The following KDM1A variants were observed in gnomAD, a reference collection of about 807,000 sequenced individuals.
The protein encoded by KDM1A is lysine-specific histone demethylase 1A.
In KDM1A, 49 loss-of-function variants were observed where a neutral mutation model predicts 109.4. The ratio of observed to expected loss-of-function variants is 0.45; its 90% confidence interval spans 0.36 to 0.57. KDM1A has a LOEUF of 0.57. Among genes scored for constraint, KDM1A ranks in the 20% least tolerant of loss-of-function variants. The pLI is 0.00. For synonymous variants in KDM1A, 380 were observed against 415.4 expected (o/e 0.91, Z 1.04); for missense variants, 668 against 1,116.6 (o/e 0.60, Z 5.73).
chr1:23,055,224 T>A, intron 6 of KDM1A, 63 bp downstream of exon 6: 1 of 867,884 alleles, frequency 1.2e-6, no homozygotes, highest in Non-Finnish European at 1.8e-6. Flanking sequence ...AGGACTGTAT[T>A]TTATATCTAT....
Position 23,020,103 on chromosome 1 carries a change from G to C in KDM1A, c.351+156G>C, listed in dbSNP as rs1641576259. The C allele has an allele frequency of 6.2e-6, 5 of 811,542 alleles. No homozygotes were observed. In the East Asian group the frequency reaches 1.7e-4, roughly 27 times the overall value. The allele number at this position is 811,542 out of a possible 1,614,324, so 50.3% of individuals were successfully genotyped here. A position where few individuals can be genotyped will look rare whatever the true frequency, so the allele number is the denominator to read the frequency against. ...CGCCACGTCCCCTCTAGCTGGACGG[G>C]TGGGGTGAGAAAGGAAAAGTCTTTG... is the stretch of plus-strand genomic sequence containing the variant. On this transcript the variant is annotated intron_variant, in intron 1 of 20. Transcript: ENST00000400181.
intron 20 of KDM1A, 44 bp from the exon 21 acceptor site, chr1:23,083,135 G>GTA (rs1553133325): frequency 1.9e-6 from 3 of 1,559,814 alleles, no homozygotes. Context: ...AAGAATAAAG[G>GTA]TATATGTGCA....
At chr1:23,068,761 A>G in intron 11 of KDM1A, 80 bp downstream of exon 11, 1 of 1,275,104 alleles carries the variant, frequency 7.8e-7, no homozygotes, top group South Asian at 1.9e-5. Context: ...TTTTTCTGCA[A>G]GTCTTGTTTG....
In KDM1A at chr1:23,083,641, GTT is replaced by G. The variant is rs796134688; in HGVS notation, c.*281_*282del. On this transcript the variant is annotated 3_prime_UTR_variant, in exon 21 of 21. Coordinates refer to ENST00000400181, the MANE Select transcript of KDM1A (RefSeq NM_001009999.3). The stretch of plus-strand genomic sequence containing the variant: ...TCATCTTAGTCCCTTGGTGTGTGGG[GTT>G]TTTGTTTTTTTTTTATATTTTGAGA... The G allele has an allele frequency of 0.035, 8,955 of 255,092 alleles. 768 individuals are homozygous for G. Among genetic ancestry groups the G allele is most frequent in the African/African-American group, 0.19 (8,115 of 43,800 alleles). The allele number at this position is 255,092 out of a possible 1,614,324, so 15.8% of individuals were successfully genotyped here. A position where few individuals can be genotyped will look rare whatever the true frequency, so the allele number is the denominator to read the frequency against.
intron 9 of KDM1A, among the ~76,000 whole-genome samples, chr1:23,065,228 T>G (rs576770297): frequency 6.6e-6 from 1 of 152,322 alleles, no homozygotes; most frequent in South Asian, 2.1e-4. Flanking sequence ...ACTAATAGAA[T>G]CCAAGGATTC....
Position 23,050,428 on chromosome 1 carries a change from C to T in KDM1A, c.619C>T (p.Arg207Trp), listed in dbSNP as rs1642633486. The change falls in exon 4 of 21, where the codon CGG becomes TGG. Residue 207 changes from arginine to tryptophan, a missense_variant. This residue lies in a region of KDM1A where 149 missense variants were observed against 189.7 expected (regional missense o/e 0.79). Coordinates refer to ENST00000400181, the MANE Select transcript of KDM1A (RefSeq NM_001009999.3). Reference sequence around the variant, plus strand: ...TTTCCAGAGCCGACTTCCTCATGACCGGATGACTTCTCAAGAAGCAGCCTG... The same window carrying T: ...TTTCCAGAGCCGACTTCCTCATGACTGGATGACTTCTCAAGAAGCAGCCTG... Reference protein sequence around the residue: ...AAFQSRLPHDRMTSQEAACFP... With the variant: ...AAFQSRLPHDWMTSQEAACFP... The T allele has an allele frequency of 1.9e-6, 3 of 1,613,520 alleles. No homozygotes were observed. The highest frequency in any genetic ancestry group is 2.5e-6 in the Non-Finnish European group (3 of 1,179,696).
At chr1:23,027,972 C>T (rs1308695576) in intron 1 of KDM1A, among the ~76,000 whole-genome samples, 2 of 151,998 alleles carry the variant, frequency 1.3e-5, no homozygotes, top group African/African-American at 4.8e-5. Flanking sequence ...TTTAATAATA[C>T]CATCAGATAT....
intron 9 of KDM1A, among the ~76,000 whole-genome samples, chr1:23,060,991 T>C (rs561739156): frequency 1.2e-4 from 18 of 152,364 alleles, no homozygotes; most frequent in Admixed American, 1.3e-4. Flanking sequence ...TCTTTTTCTT[T>C]AGACTTTTCT....
At chr1:23,057,342 C>A (rs112326119) in intron 7 of KDM1A, 142 bp from the exon 8 acceptor site, 53 of 616,230 alleles carry the variant, frequency 8.6e-5, no homozygotes, top group African/African-American at 1.3e-4. Context: ...GTTCTTTGTG[C>A]CCATAGTACT....
chr1:23,068,749 A>C, intron 11 of KDM1A, 68 bp downstream of exon 11: 1 of 1,334,682 alleles, frequency 7.5e-7, no homozygotes, highest in Non-Finnish European at 9.9e-7. Flanking sequence ...TTATGTTTTA[A>C]GTTTTTCTGC....
chr1:23,049,698 A>G (rs78340593), intron 3 of KDM1A, among the ~76,000 whole-genome samples: 2,085 of 152,126 alleles, frequency 0.014, 60 homozygotes, highest in African/African-American at 0.047. Flanking sequence ...AAAAAAAAAA[A>G]AGAGAAGAAC....
At chr1:23,024,784 T>C (rs545564118) in intron 1 of KDM1A, among the ~76,000 whole-genome samples, 21 of 152,360 alleles carry the variant, frequency 1.4e-4, no homozygotes, top group Middle Eastern at 3.4e-3. Context: ...CATCTTCCTC[T>C]GATTCATTTT....
At chr1:23,048,026 A>G (rs952505814) in intron 3 of KDM1A, among the ~76,000 whole-genome samples, 3 of 152,208 alleles carry the variant, frequency 2.0e-5, no homozygotes, top group Non-Finnish European at 4.4e-5. Flanking sequence ...TTCAGTGACT[A>G]CTTATTAAAT....
Position 23,083,440 on chromosome 1 carries a change from A to G in KDM1A, c.*76A>G. 1 of 1,412,886 alleles carries G rather than the reference A, an allele frequency of 7.1e-7. No individual in the cohort carries two copies. Among genetic ancestry groups the G allele is most frequent in the East Asian group, 2.3e-5 (1 of 42,894 alleles). 87.5% of individuals were successfully genotyped at this position (1,412,886 alleles called of 1,614,324 possible). ...AGGAAGGCTCTTCTAGCAATACTAG[A>G]TCCCACTGAGAAAATCCACCCTGGC... is the stretch of plus-strand genomic sequence containing the variant. On this transcript the variant is annotated 3_prime_UTR_variant, in exon 21 of 21. Coordinates refer to ENST00000400181, the MANE Select transcript of KDM1A (RefSeq NM_001009999.3).
At chr1:23,068,428 C>T (rs1369963122) in intron 10 of KDM1A, 111 bp from the exon 11 acceptor site, 4 of 799,890 alleles carry the variant, frequency 5.0e-6, no homozygotes, top group Non-Finnish European at 5.6e-6. Context: ...TCAAAGGTTT[C>T]CCCTTTGAGA....
At chr1:23,046,514 T>A in intron 3 of KDM1A, among the ~76,000 whole-genome samples, 1 of 152,160 alleles carries the variant, frequency 6.6e-6, no homozygotes, top group East Asian at 1.9e-4. Flanking sequence ...CTTCTTTTCT[T>A]TGTTAATTTT....
chr1:23,032,540 T>G (rs982618774), intron 2 of KDM1A, among the ~76,000 whole-genome samples: 4 of 152,142 alleles, frequency 2.6e-5, no homozygotes, highest in Non-Finnish European at 4.4e-5. Context: ...TGAGGATATC[T>G]TCAATGCTTA....
Position 23,083,139 on chromosome 1 carries a change from A to G in KDM1A, c.2446-40A>G, listed in dbSNP as rs1355530663. On this transcript the variant is annotated intron_variant, in intron 20 of 20. Coordinates refer to ENST00000400181, the MANE Select transcript of KDM1A (RefSeq NM_001009999.3). ...AATTTAAGTACAAGAATAAAGGTAT[A>G]TGTGCAGCCTGCCAATTTTCTCTTT... is the stretch of plus-strand genomic sequence containing the variant. The G allele has an allele frequency of 2.5e-6, 4 of 1,576,226 alleles. No individual in the cohort carries two copies. In the East Asian group the frequency reaches 6.8e-5, roughly 27 times the overall value.
At chr1:23,073,211 C>T in intron 14 of KDM1A, 81 bp from the exon 15 acceptor site, 1 of 753,606 alleles carries the variant, frequency 1.3e-6, no homozygotes, top group East Asian at 2.5e-5. Flanking sequence ...GGTTCTGACA[C>T]AGTTACTGAG....
Sources: gnomAD v4.1 joint callset for allele counts (sites outside exome capture counted in the v4.1 genomes callset) on GRCh38, gnomAD v4.1.1 for gene constraint, gnomAD v4.1.1 regional missense constraint, MANE v1.5 for transcripts, NCBI Gene and HGNC (gene_info 2026-07-23, HGNC 2026-07-21) for gene names.